Variants in MDN1 observed in about 807,000 individuals in gnomAD.
MDN1 encodes the protein midasin.
MDN1 carries 266 observed loss-of-function variants against 669.2 expected under a neutral mutation model. That is an observed-to-expected ratio of 0.40 (90% CI 0.36 to 0.44). The LOEUF (loss-of-function observed/expected upper bound fraction) is 0.44, where lower values mean the gene tolerates loss of function less well. MDN1 is among the 20% of genes least tolerant of loss of function. The pLI, the probability that MDN1 is intolerant of heterozygous loss-of-function variation, is 1.00. For missense variants in MDN1, 5,940 were observed against 6,754.0 expected (o/e 0.88, Z 4.22); for synonymous variants, 2,385 against 2,457.1 (o/e 0.97, Z 0.87).
chr6:89,677,827 T>A (rs1256519060), intron 75 of MDN1, 131 bp from the exon 76 acceptor site: 40 of 1,179,744 alleles, frequency 3.4e-5, no homozygotes, highest in Middle Eastern at 4.1e-4. Context: ...ATGCAGACTC[T>A]CAGGCTGCAC....
In MDN1 at chr6:89,650,769, G is replaced by A. The variant is rs760511908; in HGVS notation, c.15994C>T (p.Arg5332Cys). 4.3e-6 allele frequency: 7 copies of A among 1,613,966 alleles called. No individual in the cohort carries two copies. In the East Asian group the frequency reaches 1.1e-4, roughly 26 times the overall value. Reference sequence around the variant, plus strand: ...GCCTGGGTAGGCTCTAATATGAGACGAAGCTCTTCACATAACCGTTGTGAA... The same window carrying A: ...GCCTGGGTAGGCTCTAATATGAGACAAAGCTCTTCACATAACCGTTGTGAA... The part of the protein sequence containing the change: ...PLSQRLCEEL[R>C]LILEPTQAAK... The change falls in exon 96 of 102, where the codon CGT (arginine) becomes TGT (cysteine). Residue 5332 changes from arginine (R) to cysteine (C), a missense_variant. Transcript: ENST00000369393.
At chr6:89,747,038 C>T (rs1584308718) in intron 27 of MDN1, among the ~76,000 whole-genome samples, 2 of 152,208 alleles carry the variant, frequency 1.3e-5, no homozygotes, top group East Asian at 1.9e-4. Context: ...GCCCACAAAG[C>T]TACCATCAAC....
At chr6:89,763,662 TTTAAG>T (rs1419065837) in intron 15 of MDN1, among the ~76,000 whole-genome samples, 1 of 152,180 alleles carries the variant, frequency 6.6e-6, no homozygotes, top group Non-Finnish European at 1.5e-5. Flanking sequence ...TGAAAAATAA[TTTAAG>T]TTGAGAACTT....
At chr6:89,656,140 A>G (rs972873444) in intron 91 of MDN1, among the ~76,000 whole-genome samples, 172 bp from the exon 92 acceptor site, 5 of 152,218 alleles carry the variant, frequency 3.3e-5, no homozygotes, top group Admixed American at 3.3e-4. Flanking sequence ...CTTACATAGA[A>G]CAATCTCTAT....
At chr6:89,741,516 C>T (rs748505366) in intron 31 of MDN1, among the ~76,000 whole-genome samples, 1 of 151,638 alleles carries the variant, frequency 6.6e-6, no homozygotes, top group Non-Finnish European at 1.5e-5. Context: ...TAAAACTAAC[C>T]AAAAGGTTAA....
chr6:89,705,236 C>T (rs1045732961), intron 53 of MDN1, among the ~76,000 whole-genome samples: 6 of 152,034 alleles, frequency 3.9e-5, no homozygotes, highest in African/African-American at 1.2e-4. Flanking sequence ...AAATTCTTTG[C>T]TACTGTATTT....
intron 1 of MDN1, chr6:89,815,555 C>T (rs1252495721): frequency 8.0e-6 from 2 of 249,228 alleles, no homozygotes; most frequent in Non-Finnish European, 1.6e-5. Context: ...CCCCCCTGCT[C>T]CAGCCACATC....
Position 89,692,667 on chromosome 6 carries a change from G to A in MDN1, c.10363C>T (p.His3455Tyr), listed in dbSNP as rs778296105. 1 of 1,614,228 alleles carries A rather than the reference G, an allele frequency of 6.2e-7. No homozygotes were observed. The highest frequency in any genetic ancestry group is 8.5e-7 in the Non-Finnish European group (1 of 1,180,032). Residue 3455 changes from histidine to tyrosine, a missense_variant, in exon 63 of 102, where the codon CAT becomes TAT. His to Tyr is a moderately conservative substitution (Grantham distance 83). This residue lies in a region of MDN1 where 150 missense variants were observed against 234.2 expected (regional missense o/e 0.64). Coordinates refer to ENST00000369393, the MANE Select transcript of MDN1 (RefSeq NM_014611.3). ...TTCACCGAGCACAAAGTGTCTGCAT[G>A]AGCATAGTAAGTCGGGAAGGTGGGG... Reference protein sequence around the residue: ...VGPTFPTYYAHADTLCSVKSE... With the variant: ...VGPTFPTYYAYADTLCSVKSE...
At chr6:89,748,914 G>A (rs1360006159) in intron 26 of MDN1, among the ~76,000 whole-genome samples, 1 of 151,008 alleles carries the variant, frequency 6.6e-6, no homozygotes, top group Admixed American at 6.6e-5. Flanking sequence ...AAATGTAGCC[G>A]GGCATGACGG....
At chr6:89,654,047 T>G (rs1809073566) in intron 93 of MDN1, 117 bp downstream of exon 93, 1 of 1,168,826 alleles carries the variant, frequency 8.6e-7, no homozygotes, top group Non-Finnish European at 1.2e-6. Flanking sequence ...GGCAATTCAT[T>G]CATCTAAGCC....
In MDN1 at chr6:89,645,151, G is replaced by A. The variant is rs1422392102; in HGVS notation, c.16466C>T (p.Ala5489Val). 1.2e-6 allele frequency: 2 copies of A among 1,604,590 alleles called. No homozygotes were observed. The highest frequency in any genetic ancestry group is 1.7e-6 in the Non-Finnish European group (2 of 1,171,960). ...QLSQNISSET[A>V]QLLLVVSDGR... ...ATCAGAGACTACCAGGAGGAGTTGT[G>A]CAGTTTCTGTAGACCATATAAGACG... The change falls in exon 101 of 102, where the codon GCA (alanine) becomes GTA (valine). Residue 5489 changes from alanine to valine, a missense_variant. By Grantham distance (64) the Ala-to-Val change is moderately conservative (BLOSUM62 0). Transcript: ENST00000369393.
chr6:89,651,108 G>A (rs1562033610), intron 95 of MDN1, among the ~76,000 whole-genome samples: 1 of 146,990 alleles, frequency 6.8e-6, no homozygotes, highest in Non-Finnish European at 1.5e-5. Flanking sequence ...TTGAGACCAG[G>A]AGTTCGAGAC....
chr6:89,806,085 G>C (rs1767993479), intron 1 of MDN1, among the ~76,000 whole-genome samples: 1 of 152,046 alleles, frequency 6.6e-6, no homozygotes, highest in Admixed American at 6.6e-5. Context: ...TTACAGGTGT[G>C]TGCCACCACG....
At chr6:89,784,273 G>A (rs1051394615) in intron 9 of MDN1, among the ~76,000 whole-genome samples, 5 of 151,930 alleles carry the variant, frequency 3.3e-5, no homozygotes, top group Non-Finnish European at 5.9e-5. Flanking sequence ...CCAAGATCAC[G>A]CCATTGCACT....
chr6:89,782,782 T>G (rs1428072414), intron 9 of MDN1, among the ~76,000 whole-genome samples: 1 of 151,434 alleles, frequency 6.6e-6, no homozygotes, highest in Non-Finnish European at 1.5e-5. Flanking sequence ...CTACTAAAAA[T>G]TAAAAAATTA....
chr6:89,676,951 A>T (rs906140724), intron 76 of MDN1, among the ~76,000 whole-genome samples: 1 of 137,266 alleles, frequency 7.3e-6, no homozygotes. Flanking sequence ...AAAATATACC[A>T]TTTTCTAATA....
intron 95 of MDN1, 125 bp downstream of exon 95, chr6:89,652,067 A>G: frequency 1.5e-6 from 1 of 688,344 alleles, no homozygotes; most frequent in Non-Finnish European, 2.4e-6. Context: ...TTGTAATTAT[A>G]TTCTCCATAT....
Position 89,699,742 on chromosome 6 carries a change from A to G in MDN1, c.8871-15T>C, listed in dbSNP as rs1339230095. On this transcript the variant is annotated splice_polypyrimidine_tract_variant and intron_variant, in intron 57 of 101. Transcript: ENST00000369393. ...TTTTGCTGCATCTGTTCCAAAAATA[A>G]AGAGGGAGAGGGTGGGGTATGGACT... is the stretch of plus-strand genomic sequence containing the variant. 3.1e-6 allele frequency: 5 copies of G among 1,613,488 alleles called. No individual in the cohort carries two copies. Among genetic ancestry groups the G allele is most frequent in the Non-Finnish European group, 2.5e-6 (3 of 1,179,742 alleles).
intron 15 of MDN1, among the ~76,000 whole-genome samples, chr6:89,764,004 C>A (rs545926787): frequency 6.6e-6 from 1 of 152,118 alleles, no homozygotes; most frequent in Non-Finnish European, 1.5e-5. Flanking sequence ...CCCCTGAAGC[C>A]AGGAGGTTGA....
Sources: gnomAD v4.1 joint callset for allele counts (sites outside exome capture counted in the v4.1 genomes callset) on GRCh38, gnomAD v4.1.1 for gene constraint, gnomAD v4.1.1 regional missense constraint, MANE v1.5 for transcripts, NCBI Gene and HGNC (gene_info 2026-07-23, HGNC 2026-07-21) for gene names.